The following SLC22A25 variants were observed in gnomAD, a reference collection of about 807,000 sequenced individuals.
The protein encoded by SLC22A25 is MGI:2442751, MGI:2385316, MGI:3042283, MGI:3645714, MGI:3605624, MGI:2442750.
Under a neutral mutation model 45.9 loss-of-function variants are expected in SLC22A25, and 44 were observed. The ratio of observed to expected loss-of-function variants is 0.96; its 90% CI spans 0.75 to 1.23. The LOEUF (loss-of-function observed/expected upper bound fraction) is 1.23, where lower values mean the gene tolerates loss of function less well. Ranked by LOEUF, SLC22A25 falls within the 50% of genes most tolerant of loss-of-function variation. SLC22A25 has a pLI of 0.00. For synonymous variants in SLC22A25, 283 were observed against 238.6 expected (o/e 1.19, Z -1.72); for missense variants, 800 against 666.4 (o/e 1.20, Z -2.21).
chr11:63,166,287 T>C (rs1348636325), intron 9 of SLC22A25, 29 bp from the exon 10 acceptor site: 3 of 1,610,638 alleles, frequency 1.9e-6, no homozygotes, highest in African/African-American at 2.7e-5. Context: ...AAGGCACATA[T>C]TATAATCTGT....
At position 63,205,479 on chromosome 11, in the gene SLC22A25, C is replaced by T. The variant is rs188940122; in HGVS notation, c.830+11835G>A. Among the ~76,000 whole-genome samples, 344 of 152,260 alleles carry T rather than the reference C, an allele frequency of 2.3e-3. 1 individual carries two copies. The highest frequency in any genetic ancestry group is 0.01 in the Middle Eastern group (3 of 294). Reference sequence around the variant, plus strand: ...AAAAATGATAAAGGGGATATCACTGCTGATCCCATAGAAATACAAACTGCC... The same window carrying T: ...AAAAATGATAAAGGGGATATCACTGTTGATCCCATAGAAATACAAACTGCC... On this transcript the variant is annotated intron_variant, in intron 7 of 11. Transcript: ENST00000306494.
At chr11:63,235,091 T>C (rs1271324437) in intron 3 of SLC22A25, among the ~76,000 whole-genome samples, 2 of 152,204 alleles carry the variant, frequency 1.3e-5, no homozygotes, top group Non-Finnish European at 2.9e-5. Flanking sequence ...TTTCTTCGTT[T>C]CAACTTTGGT....
chr11:63,229,470 G>T lies in SLC22A25; in HGVS notation c.183C>A (p.Asp61Glu). Residue 61 changes from aspartate (D) to glutamate (E), a missense_variant, in exon 4 of 12, where the codon GAC (aspartate) becomes GAA (glutamate). Physicochemically the swap from Asp to Glu is conservative, Grantham distance 45. Transcript: ENST00000306494. ...VHILDNDTIP[D>E]NDPGTLSQDA... The stretch of plus-strand genomic sequence containing the variant: ...CCTGGCTGAGGGTCCCAGGGTCATT[G>T]TCAGGGATAGTGTCATTGTCCAGTA... 1.2e-6 allele frequency: 2 copies of T among 1,614,150 alleles called. No individual in the cohort carries two copies.
chr11:63,228,423 A>T, intron 5 of SLC22A25, 38 bp downstream of exon 5: 1 of 1,432,576 alleles, frequency 7.0e-7, no homozygotes, highest in Non-Finnish European at 9.7e-7. Flanking sequence ...AATTGATGAA[A>T]ATACCCTTGA....
intron 7 of SLC22A25, among the ~76,000 whole-genome samples, chr11:63,205,304 C>T (rs1313364303): frequency 6.6e-6 from 1 of 151,842 alleles, no homozygotes; most frequent in Non-Finnish European, 1.5e-5. Flanking sequence ...CAAGAAATAA[C>T]TAAGATCAGA....
intron 9 of SLC22A25, chr11:63,167,932 G>T (rs548434199): frequency 2.2e-4 from 89 of 404,394 alleles, no homozygotes; most frequent in Non-Finnish European, 3.2e-4. Context: ...CTGGCATCAG[G>T]CAGGTGCTCC....
Position 63,217,359 on chromosome 11 carries a change from T to G in SLC22A25, c.785A>C (p.Gln262Pro). Residue 262 changes from glutamine (Q) to proline (P), a missense_variant, in exon 7 of 12, where the codon CAG (glutamine) becomes CCG (proline). Transcript: ENST00000306494. ...AFVIRDQCIL[Q>P]LVMSAPCFVF... ...AAAGCATGGTGCAGACATCACCAAC[T>G]GGAGGATGCACTGGTCTCGAATGAC... 1.2e-6 allele frequency: 2 copies of G among 1,614,002 alleles called. No homozygotes were observed. Among genetic ancestry groups the G allele is most frequent in the South Asian group, 1.1e-5 (1 of 91,074 alleles).
Position 63,230,053 on chromosome 11 carries a change from C to A in SLC22A25, c.-401G>T, listed in dbSNP as rs573099395. Among the ~76,000 whole-genome samples, 3 of 152,148 alleles carry A rather than the reference C, an allele frequency of 2.0e-5. No homozygotes were observed. Among genetic ancestry groups the A allele is most frequent in the African/African-American group, 7.2e-5 (3 of 41,436 alleles). Reference sequence around the variant, plus strand: ...TACTTGGTATGCAGTCTTTCCAGAACGTGTAATCTGTGGGACTCAAAGGCA... The same window carrying A: ...TACTTGGTATGCAGTCTTTCCAGAAAGTGTAATCTGTGGGACTCAAAGGCA... On this transcript the variant is annotated 5_prime_UTR_variant, in exon 4 of 12. Transcript: ENST00000306494.
chr11:63,226,117 T>G (rs2089957498), intron 5 of SLC22A25, among the ~76,000 whole-genome samples: 1 of 152,180 alleles, frequency 6.6e-6, no homozygotes, highest in Non-Finnish European at 1.5e-5. Context: ...AGGTCACATA[T>G]CTGTCTCTCC....
chr11:63,242,864 G>A (rs937592501), intron 1 of SLC22A25, among the ~76,000 whole-genome samples: 3 of 152,078 alleles, frequency 2.0e-5, no homozygotes, highest in African/African-American at 4.8e-5. Context: ...AGATGTGAGC[G>A]AGGCAGGCAG....
At chr11:63,219,776 C>T (rs75579183) in intron 5 of SLC22A25, 217 of 492,222 alleles carry the variant, frequency 4.4e-4, no homozygotes, top group African/African-American at 4.0e-3. Context: ...TTATCTTGCA[C>T]CACCCTATGA....
At chr11:63,177,551 A>T (rs918922442) in intron 9 of SLC22A25, among the ~76,000 whole-genome samples, 7 of 151,540 alleles carry the variant, frequency 4.6e-5, no homozygotes, top group Non-Finnish European at 1.0e-4. Context: ...CCTTCTTAAT[A>T]CCCTTTCCCC....
At chr11:63,179,408 G>T (rs2088237911) in intron 9 of SLC22A25, among the ~76,000 whole-genome samples, 1 of 152,066 alleles carries the variant, frequency 6.6e-6, no homozygotes, top group South Asian at 2.1e-4. Context: ...TCCCAGACTG[G>T]CTTTTACAAT....
At chr11:63,226,048 T>C (rs771719285) in intron 5 of SLC22A25, among the ~76,000 whole-genome samples, 3 of 152,130 alleles carry the variant, frequency 2.0e-5, no homozygotes, top group Non-Finnish European at 2.9e-5. Context: ...TCCTTCTCTG[T>C]GTTATCTTGA....
intron 7 of SLC22A25, among the ~76,000 whole-genome samples, chr11:63,211,182 C>T (rs185492861): frequency 2.6e-4 from 40 of 152,234 alleles, no homozygotes; most frequent in Middle Eastern, 3.4e-3. Flanking sequence ...CCTCATGCTG[C>T]CTCGGTATGA....
Position 63,163,792 on chromosome 11 carries a change from C to A in SLC22A25, c.*32G>T. 1 of 1,579,788 alleles carries A rather than the reference C, an allele frequency of 6.3e-7. No homozygotes were observed. Among genetic ancestry groups the A allele is most frequent in the South Asian group, 1.2e-5 (1 of 85,130 alleles). On this transcript the variant is annotated 3_prime_UTR_variant, in exon 12 of 12. Transcript: ENST00000306494. Reference sequence around the variant, plus strand: ...TAAGCCTTTTTGGGGGATGGTAGCCCTAAATGGTGTTTTGCTTTCCTCAGC... The same window carrying A: ...TAAGCCTTTTTGGGGGATGGTAGCCATAAATGGTGTTTTGCTTTCCTCAGC...
intron 8 of SLC22A25, among the ~76,000 whole-genome samples, chr11:63,182,007 T>C (rs1183812214): frequency 1.3e-5 from 2 of 152,094 alleles, no homozygotes; most frequent in Non-Finnish European, 2.9e-5. Context: ...GATCAACGGA[T>C]TGCTATTGAC....
chr11:63,222,712 A>G (rs1482258238), intron 5 of SLC22A25, among the ~76,000 whole-genome samples: 1 of 152,080 alleles, frequency 6.6e-6, no homozygotes, highest in African/African-American at 2.4e-5. Flanking sequence ...TCTTAGAGAA[A>G]AGGCTTTCAA....
intron 7 of SLC22A25, among the ~76,000 whole-genome samples, chr11:63,209,416 C>G (rs375812043): frequency 6.6e-6 from 1 of 152,098 alleles, no homozygotes; most frequent in Non-Finnish European, 1.5e-5. Context: ...CCAGTCTACC[C>G]GTCTTTGGCC....
Sources: gnomAD v4.1 joint callset for allele counts (sites outside exome capture counted in the v4.1 genomes callset) on GRCh38, gnomAD v4.1.1 for gene constraint, MANE v1.5 for transcripts, NCBI Gene and HGNC (gene_info 2026-07-23, HGNC 2026-07-21) for gene names.